DTNB: variants seen among roughly 807,000 people sequenced by gnomAD.
DTNB encodes the protein DTN-B.
In DTNB, 63 loss-of-function variants were observed where a neutral mutation model predicts 90.7. The ratio of observed to expected loss-of-function variants is 0.69; its 90% CI spans 0.57 to 0.86. The LOEUF is 0.86. Among genes scored for constraint, DTNB ranks in the 40% least tolerant of loss-of-function variants. The pLI is 0.00. For missense variants in DTNB, 744 were observed against 807.1 expected, an observed-to-expected ratio of 0.92 and a Z score of 0.95; for synonymous variants, 277 against 286.7, an observed-to-expected ratio of 0.97 and a Z score of 0.34.
intron 9 of DTNB, among the ~76,000 whole-genome samples, chr2:25,490,071 T>C (rs1157209848): frequency 6.6e-6 from 1 of 152,074 alleles, no homozygotes; most frequent in Non-Finnish European, 1.5e-5. Context: ...AGCCCAGGAG[T>C]TCGAGACCAG....
chr2:25,467,734 T>C (rs933195492), intron 10 of DTNB, among the ~76,000 whole-genome samples: 4 of 152,290 alleles, frequency 2.6e-5, no homozygotes, highest in African/African-American at 9.6e-5. Flanking sequence ...TAGAGCTGCA[T>C]CTCTTCTTTT....
chr2:25,432,095 C>T (rs2054049190), intron 14 of DTNB, among the ~76,000 whole-genome samples: 1 of 151,886 alleles, frequency 6.6e-6, no homozygotes, highest in Admixed American at 6.6e-5. Context: ...TAGATGATAG[C>T]AAATTAAAAA....
chr2:25,558,244 T>C (rs1226354124), intron 8 of DTNB: 37 of 985,316 alleles, frequency 3.8e-5, no homozygotes, highest in Non-Finnish European at 4.2e-5. Flanking sequence ...AATCTGTACC[T>C]GTAGATCTCA....
At chr2:25,393,930 A>G (rs2041790788) in intron 16 of DTNB, among the ~76,000 whole-genome samples, 1 of 152,208 alleles carries the variant, frequency 6.6e-6, no homozygotes, top group South Asian at 2.1e-4. Flanking sequence ...AAGAGCCCAC[A>G]TAGCCACAGC....
intron 3 of DTNB, among the ~76,000 whole-genome samples, chr2:25,637,913 T>C (rs1397245280): frequency 6.6e-6 from 1 of 152,224 alleles, no homozygotes; most frequent in East Asian, 1.9e-4. Context: ...TGCACACGTA[T>C]GTTTATTGCA....
intron 9 of DTNB, among the ~76,000 whole-genome samples, chr2:25,523,397 T>C (rs977841037): frequency 1.2e-4 from 18 of 152,190 alleles, no homozygotes; most frequent in Admixed American, 9.2e-4. Flanking sequence ...CTCAGCACTT[T>C]GGGTGGCCAA....
chr2:25,446,075 G>A (rs977162413), intron 12 of DTNB, among the ~76,000 whole-genome samples: 2 of 151,986 alleles, frequency 1.3e-5, no homozygotes, highest in Non-Finnish European at 2.9e-5. Context: ...ACTCTTTTAG[G>A]ATGAATCTTA....
At chr2:25,428,264 C>G (rs964676229) in intron 14 of DTNB, among the ~76,000 whole-genome samples, 1 of 152,006 alleles carries the variant, frequency 6.6e-6, no homozygotes, top group Non-Finnish European at 1.5e-5. Context: ...AAAACTCAGT[C>G]CTCTTTGTTA....
intron 16 of DTNB, among the ~76,000 whole-genome samples, chr2:25,398,657 G>A (rs1446617901): frequency 6.6e-6 from 1 of 152,062 alleles, no homozygotes; most frequent in Non-Finnish European, 1.5e-5. Context: ...CAAAAGTGTG[G>A]GCCCATCCAC....
intron 4 of DTNB, among the ~76,000 whole-genome samples, chr2:25,622,488 A>T (rs2073005935): frequency 6.6e-6 from 1 of 152,202 alleles, no homozygotes; most frequent in Non-Finnish European, 1.5e-5. Flanking sequence ...ATATGTATTT[A>T]TTTCCATCTT....
In DTNB at chr2:25,508,537, G is replaced by GTTT. The variant is rs575242257; in HGVS notation, c.1001+22933_1001+22935dup. 2.1e-3 allele frequency among the ~76,000 whole-genome samples: 274 copies of GTTT among 127,598 alleles called. 9 individuals are homozygous for GTTT. The highest frequency in any genetic ancestry group is 4.9e-3 in the African/African-American group (161 of 32,564). 83.7% of individuals were successfully genotyped at this position (127,598 alleles called of 152,430 possible). On this transcript the variant is annotated intron_variant, in intron 9 of 20. Coordinates refer to ENST00000406818, the MANE Select transcript of DTNB (RefSeq NM_021907.5). ...TTTTTGAGATGGAGTTTCGCTCTTT[G>GTTT]TTTTTTATTTTTTTGAGATGGAGTT...
At chr2:25,452,145 C>A (rs1024989762) in intron 11 of DTNB, among the ~76,000 whole-genome samples, 1 of 152,204 alleles carries the variant, frequency 6.6e-6, no homozygotes, top group South Asian at 2.1e-4. Flanking sequence ...CCTTTTCATG[C>A]CCCTTTCTCT....
chr2:25,645,161 T>C (rs771148783), intron 2 of DTNB, among the ~76,000 whole-genome samples: 11 of 151,994 alleles, frequency 7.2e-5, no homozygotes, highest in Non-Finnish European at 1.5e-4. Flanking sequence ...GGCAGGCAGA[T>C]CACTTGAGTT....
At chr2:25,609,669 C>CGT (rs2068039822) in intron 4 of DTNB, among the ~76,000 whole-genome samples, 1 of 125,050 alleles carries the variant, frequency 8.0e-6, no homozygotes, top group Non-Finnish European at 1.6e-5. Context: ...CACACACACA[C>CGT]ACACACACAC....
chr2:25,601,593 A>G (rs761281866), intron 5 of DTNB, among the ~76,000 whole-genome samples: 10 of 152,042 alleles, frequency 6.6e-5, no homozygotes, highest in Admixed American at 2.0e-4. Context: ...TCCCCACATG[A>G]CTAGCCACCT....
At chr2:25,470,356 T>C (rs375503549) in intron 10 of DTNB, among the ~76,000 whole-genome samples, 1 of 151,878 alleles carries the variant, frequency 6.6e-6, no homozygotes, top group Admixed American at 6.6e-5. Context: ...TCAGAGTAGA[T>C]TCTTACACGA....
At chr2:25,410,346 G>A (rs1288666007) in intron 16 of DTNB, among the ~76,000 whole-genome samples, 1 of 152,108 alleles carries the variant, frequency 6.6e-6, no homozygotes, top group Non-Finnish European at 1.5e-5. Context: ...ATTGGGGGGT[G>A]TGGCACACAC....
intron 4 of DTNB, among the ~76,000 whole-genome samples, chr2:25,612,153 C>G (rs1319207122): frequency 6.6e-6 from 1 of 151,770 alleles, no homozygotes; most frequent in Non-Finnish European, 1.5e-5. Context: ...CTGGAAATAA[C>G]CAAAATGTCC....
chr2:25,630,841 T>TC (rs1197627751), intron 3 of DTNB, among the ~76,000 whole-genome samples: 2 of 50,884 alleles, frequency 3.9e-5, no homozygotes, highest in African/African-American at 7.5e-5. Flanking sequence ...TGAAACTCCG[T>TC]CCCAAAAAAA....
Sources: gnomAD v4.1 joint callset for allele counts (sites outside exome capture counted in the v4.1 genomes callset) on GRCh38, gnomAD v4.1.1 for gene constraint, MANE v1.5 for transcripts, NCBI Gene and HGNC (gene_info 2026-07-23, HGNC 2026-07-21) for gene names.